The following ITIH6 variants were observed in gnomAD, a reference collection of about 807,000 sequenced individuals.
ITIH6 encodes the protein inter-alpha-trypsin inhibitor heavy chain family member 6, also known as inter-alpha-trypsin inhibitor heavy chain H6.
In ITIH6, 60 loss-of-function variants were observed where a neutral mutation model predicts 58.2. That is an observed-to-expected ratio of 1.03 (90% CI 0.84 to 1.28). ITIH6 has a LOEUF of 1.28. Among genes scored for constraint, ITIH6 ranks in the 50% most tolerant of loss-of-function variants. The pLI is 0.00. For missense variants in ITIH6, 1,290 were observed against 1,021.1 expected, an observed-to-expected ratio of 1.26 and a Z score of -3.59; for synonymous variants, 493 against 417.4, an observed-to-expected ratio of 1.18 and a Z score of -2.21.
chrX:54,760,892 A>T (rs967237384), intron 6 of ITIH6, among the ~76,000 whole-genome samples: 1 of 111,857 alleles, frequency 8.9e-6, no homozygotes, highest in Non-Finnish European at 1.9e-5. Flanking sequence ...GTGCCACAAT[A>T]AACATACGTG....
At chrX:54,755,384 A>G (rs1473149651) in intron 8 of ITIH6, among the ~76,000 whole-genome samples, 2 of 112,607 alleles carry the variant, frequency 1.8e-5, no homozygotes, top group Admixed American at 1.9e-4. Flanking sequence ...AAAAATAAAG[A>G]CATAGTTTCT....
chrX:54,774,033 G>C (rs1314830664), intron 6 of ITIH6, 48 bp downstream of exon 6: 1 of 764,611 alleles, frequency 1.3e-6, no homozygotes, highest in African/African-American at 2.1e-5. Flanking sequence ...TCTGCTTTCT[G>C]GGTCTTCTGA....
intron 2 of ITIH6, among the ~76,000 whole-genome samples, chrX:54,795,257 G>A (rs959730706): frequency 8.0e-5 from 9 of 112,189 alleles, no homozygotes; most frequent in Admixed American, 9.4e-5. Flanking sequence ...GAGACAAATC[G>A]AAAGGGAGTG....
intron 11 of ITIH6, 120 bp from the exon 12 acceptor site, chrX:54,751,500 G>T: frequency 1.2e-6 from 1 of 826,929 alleles, no homozygotes; most frequent in Non-Finnish European, 1.7e-6. Context: ...ACTCCTGAGA[G>T]AACTACTTCT....
At chrX:54,766,838 G>A (rs1928800618) in intron 6 of ITIH6, among the ~76,000 whole-genome samples, 1 of 103,405 alleles carries the variant, frequency 9.7e-6, no homozygotes, top group Non-Finnish European at 1.9e-5. Flanking sequence ...AAGGATATTG[G>A]TCTAAAATTC....
chrX:54,767,550 A>C (rs1389472765), intron 6 of ITIH6, among the ~76,000 whole-genome samples: 1 of 97,045 alleles, frequency 1.0e-5, no homozygotes, highest in African/African-American at 4.4e-5. Flanking sequence ...TTCCCTCTAC[A>C]CACTGCTTTG....
At chrX:54,772,339 G>A (rs1928969234) in intron 6 of ITIH6, among the ~76,000 whole-genome samples, 1 of 111,795 alleles carries the variant, frequency 8.9e-6, no homozygotes, top group East Asian at 2.8e-4. Flanking sequence ...AGACACTGGG[G>A]CCTACTTGAG....
At position 54,774,074 on chromosome X, in the gene ITIH6, T is replaced by C. The variant is rs768541891; in HGVS notation, c.903+7A>G. On this transcript the variant is annotated splice_region_variant and intron_variant, in intron 6 of 12. Transcript: ENST00000218436. Reference sequence around the variant, plus strand: ...GGACTAAGAAAGGTTTCCAGGATCCTTGTTACCTGTTCCATCTTGGTACCA... The same window carrying C: ...GGACTAAGAAAGGTTTCCAGGATCCCTGTTACCTGTTCCATCTTGGTACCA... 1 of 1,091,948 alleles carries C rather than the reference T, an allele frequency of 9.2e-7. No individual in the cohort carries two copies. The highest frequency in any genetic ancestry group is 3.1e-5 in the East Asian group (1 of 32,548). The allele number at this position is 1,091,948 out of a possible 1,213,427, so 90.0% of individuals were successfully genotyped here. A position where few individuals can be genotyped will look rare whatever the true frequency, so the allele number is the denominator to read the frequency against.
In ITIH6 at chrX:54,796,889, C is replaced by T. The variant is rs113680476; in HGVS notation, c.257+53G>A. The T allele has an allele frequency of 0.018, 20,112 of 1,139,062 alleles. 1,835 individuals are homozygous for T. The African/African-American group carries it at 0.29, about 16-fold the overall frequency. The allele number at this position is 1,139,062 out of a possible 1,213,427, so 93.9% of individuals were successfully genotyped here. On this transcript the variant is annotated intron_variant, in intron 2 of 12. Coordinates refer to ENST00000218436, the MANE Select transcript of ITIH6 (RefSeq NM_198510.3). Reference sequence around the variant, plus strand: ...TCTGCTGACAGAATAAGCACAAGAACGAACAAATATATGCACAAATGAATG... The same window carrying T: ...TCTGCTGACAGAATAAGCACAAGAATGAACAAATATATGCACAAATGAATG...
intron 11 of ITIH6, 76 bp downstream of exon 11, chrX:54,753,575 C>G (rs1395087206): frequency 1.4e-6 from 1 of 722,551 alleles, no homozygotes; most frequent in Non-Finnish European, 2.2e-6. Context: ...GGGGTATTAA[C>G]CCACAAATGT....
intron 6 of ITIH6, among the ~76,000 whole-genome samples, chrX:54,764,582 C>T (rs1224590569): frequency 5.8e-5 from 6 of 104,272 alleles, no homozygotes; most frequent in Admixed American, 2.1e-4. Context: ...CTACAAAGGA[C>T]ATGAACTCAT....
At chrX:54,753,567 G>C in intron 11 of ITIH6, 84 bp downstream of exon 11, 1 of 646,903 alleles carries the variant, frequency 1.5e-6, no homozygotes, top group South Asian at 2.4e-5. Context: ...ATGTGTCTGG[G>C]GTATTAACCC....
At chrX:54,784,781 G>C (rs5914156) in intron 5 of ITIH6, among the ~76,000 whole-genome samples, 4,865 of 111,400 alleles carry the variant, frequency 0.044, 128 homozygotes, top group Non-Finnish European at 0.071. Context: ...GAACAGTTTG[G>C]AGGCTCCTCA....
At chrX:54,761,160 A>G (rs1416222812) in intron 6 of ITIH6, among the ~76,000 whole-genome samples, 1 of 111,566 alleles carries the variant, frequency 9.0e-6, no homozygotes, top group Non-Finnish European at 1.9e-5. Flanking sequence ...TCTCATTGTG[A>G]TTTTGATTTG....
chrX:54,753,276 C>G (rs1327222180), intron 11 of ITIH6, among the ~76,000 whole-genome samples: 4 of 112,648 alleles, frequency 3.6e-5, no homozygotes, highest in Non-Finnish European at 7.5e-5. Flanking sequence ...TTCCCAGGAC[C>G]CTCAGTTCTT....
intron 5 of ITIH6, among the ~76,000 whole-genome samples, chrX:54,785,177 G>A (rs1005860730): frequency 2.0e-5 from 2 of 100,978 alleles, no homozygotes; most frequent in East Asian, 3.6e-4. Context: ...GAGATAGAGA[G>A]TAGAAGAGTG....
rs1364374648 is a variant in ITIH6, at chrX:54,792,034, GT to G, written c.259del (p.Thr87ProfsTer34). 3.5e-5 allele frequency: 41 copies of G among 1,185,452 alleles called. No individual in the cohort carries two copies. The highest frequency in any genetic ancestry group is 4.6e-5 in the Non-Finnish European group (40 of 871,967). Reference protein sequence around the residue: ...HLAFISNFTMTINNKVYIAEV... With the variant: ...HLAFISNFTMXINNKVYIAEV... ...TGCAATGTAGACTTTATTGTTGATG[GT>G]CCTAATGGGGCAGGAAAGAGGAGGG... On this transcript the variant is annotated frameshift_variant and splice_region_variant, in exon 3 of 13. Transcript: ENST00000218436. LOFTEE classifies it high-confidence loss of function.
At chrX:54,788,454 C>T (rs1451083036) in intron 5 of ITIH6, 26 bp downstream of exon 5, 1 of 1,191,039 alleles carries the variant, frequency 8.4e-7, no homozygotes, top group South Asian at 1.8e-5. Context: ...AGCCCATCCT[C>T]TCTCCTCTTC....
intron 2 of ITIH6, among the ~76,000 whole-genome samples, chrX:54,792,639 G>T (rs1929370396): frequency 9.0e-6 from 1 of 111,439 alleles, no homozygotes; most frequent in Non-Finnish European, 1.9e-5. Context: ...AAGTCTTCTG[G>T]GCCTGACTAG....
Sources: gnomAD v4.1 joint callset for allele counts (sites outside exome capture counted in the v4.1 genomes callset) on GRCh38, gnomAD v4.1.1 for gene constraint, MANE v1.5 for transcripts, NCBI Gene and HGNC (gene_info 2026-07-23, HGNC 2026-07-21) for gene names.